Variants in ARMC5 observed in about 807,000 individuals in gnomAD.
The protein encoded by ARMC5 is armadillo repeat-containing protein 5.
Under a neutral mutation model 60.5 loss-of-function variants are expected in ARMC5, and 28 were observed. The observed-to-expected ratio is 0.46, with a 90% CI of 0.34 to 0.63. The LOEUF is 0.63. Among genes scored for constraint, ARMC5 ranks in the 30% least tolerant of loss-of-function variants. ARMC5 has a pLI of 0.01. For missense variants in ARMC5, 1,189 were observed against 1,304.9 expected, an observed-to-expected ratio of 0.91 and a Z score of 1.37; for synonymous variants, 680 against 607.3, an observed-to-expected ratio of 1.12 and a Z score of -1.76.
rs1474864604 is a variant in ARMC5 at position 31,466,553 on chromosome 16, C to T, written c.2472C>T (p.Gly824=). The change falls in exon 6 of 6, where the codon GGC becomes GGT. Residue 824 remains glycine (G), a synonymous_variant. Transcript: ENST00000268314. The surrounding 1 kb of genome is among the most constrained non-coding windows in gnomAD (Gnocchi z 8.0). The stretch of plus-strand genomic sequence containing the variant: ...CCCTGGGGCCCGTGCCCCCACCAGG[C>T]CAGCCCCTGCTGGGTTCAGAGGCCG... ...GAALGPVPPP[G]QPLLGSEAEE... is the part of the protein sequence containing the mutation. 1 of 1,608,512 alleles carries T rather than the reference C, an allele frequency of 6.2e-7. No individual in the cohort carries two copies. The highest frequency in any genetic ancestry group is 8.5e-7 in the Non-Finnish European group (1 of 1,179,304).
In ARMC5 at chr16:31,459,920, G is replaced by A. The variant is rs757191392; in HGVS notation, c.396G>A (p.Ala132=). The change falls in exon 1 of 6, where the codon GCG becomes GCA. Residue 132 remains alanine, a synonymous_variant. Transcript: ENST00000268314. The part of the protein sequence containing the change: ...PVRLRKTLDL[A]LSILADCCTE... ...GCCTGCGCAAGACGCTGGACTTGGC[G>A]CTCAGCATCCTAGCCGATTGCTGTA... The A allele has an allele frequency of 6.9e-6, 11 of 1,605,820 alleles. No homozygotes were observed. Among genetic ancestry groups the A allele is most frequent in the Non-Finnish European group, 5.9e-6 (7 of 1,179,764 alleles).
chr16:31,466,299 C>A lies in ARMC5; in HGVS notation c.2218C>A (p.Leu740Met), dbSNP rs2082358437. 1 of 1,613,910 alleles carries A rather than the reference C, an allele frequency of 6.2e-7. No individual in the cohort carries two copies. Among genetic ancestry groups the A allele is most frequent in the East Asian group, 2.2e-5 (1 of 44,878 alleles). The change falls in exon 6 of 6, where the codon CTG becomes ATG. Residue 740 changes from leucine to methionine, a missense_variant. This residue lies in a region of ARMC5 where 862 missense variants were observed against 1,071.2 expected (regional missense o/e 0.80). Coordinates refer to ENST00000268314, the MANE Select transcript of ARMC5 (RefSeq NM_001105247.2). This position sits in a 1 kb window ranked among gnomAD's most constrained non-coding sequence, Gnocchi z 8.0. The stretch of plus-strand genomic sequence containing the variant: ...TTCCCCTTGCCTCTATGAACCTCTG[C>A]TGGGCCCAGCCCCTGTCCCAGCTCC... ...SPSPCLYEPL[L>M]GPAPVPAPDL...
At position 31,464,292 on chromosome 16, in the gene ARMC5, TAAAAAAAAA is replaced by T. The variant is rs537788230; in HGVS notation, c.1371-86_1371-78del. The T allele has an allele frequency of 7.2e-4, 360 of 499,396 alleles. 3 individuals are homozygous for T. The African/African-American group carries it at 7.2e-3, about 10-fold the overall frequency. 30.9% of individuals were successfully genotyped at this position (499,396 alleles called of 1,614,324 possible). A position where few individuals can be genotyped will look rare whatever the true frequency, so the allele number is the denominator to read the frequency against. ...GCTATAGAGGGATACCACATTTCTT[TAAAAAAAAA>T]AAAAAAAAAAAAAAAGACGCCTCAC... On this transcript the variant is annotated intron_variant, in intron 3 of 5. Coordinates refer to ENST00000268314, the MANE Select transcript of ARMC5 (RefSeq NM_001105247.2). The surrounding 1 kb of genome is among the most constrained non-coding windows in gnomAD (Gnocchi z 7.6).
At position 31,464,992 on chromosome 16, in the gene ARMC5, C is replaced by T. The variant is rs938778138; in HGVS notation, c.1864+105C>T. 4.5e-5 allele frequency: 73 copies of T among 1,611,032 alleles called. No individual in the cohort carries two copies. Among genetic ancestry groups the T allele is most frequent in the Non-Finnish European group, 6.0e-5 (71 of 1,178,024 alleles). On this transcript the variant is annotated intron_variant, in intron 4 of 5. Coordinates refer to ENST00000268314, the MANE Select transcript of ARMC5 (RefSeq NM_001105247.2). This position sits in a 1 kb window ranked among gnomAD's most constrained non-coding sequence, Gnocchi z 7.6. Reference sequence around the variant, plus strand: ...TCACCTTCCCACTCACCTGTCCTCCCCAGCCCGTCCTCCAGACAACCTGTC... The same window carrying T: ...TCACCTTCCCACTCACCTGTCCTCCTCAGCCCGTCCTCCAGACAACCTGTC...
rs1341456755 is a variant in ARMC5, at chr16:31,464,193, G to A, written c.1371-201G>A. ...TAGTGCCAGCTACTTGGGAGGCTGA[G>A]GTGGGAGGATCACTTGAGCTCAGGA... On this transcript the variant is annotated intron_variant, in intron 3 of 5. Transcript: ENST00000268314. The surrounding 1 kb of genome is among the most constrained non-coding windows in gnomAD (Gnocchi z 7.6). 6.6e-6 allele frequency among the ~76,000 whole-genome samples: 1 copy of A among 151,862 alleles called. No homozygotes were observed. Among genetic ancestry groups the A allele is most frequent in the African/African-American group, 2.4e-5 (1 of 41,328 alleles).
At chr16:31,459,352 C>T (rs139912838), upstream of ARMC5, 1,675 of 1,535,978 alleles carry the variant, frequency 1.1e-3, 19 homozygotes, top group African/African-American at 0.021. Context: ...TACTGCCGCG[C>T]CTCGTGTGCA....
rs2142580488 is a variant in ARMC5, at chr16:31,466,512, CG to C, written c.2436del (p.Cys813ValfsTer104). 1 of 1,609,676 alleles carries C rather than the reference CG, an allele frequency of 6.2e-7. No individual in the cohort carries two copies. ...TGTCCTGCATCATTTGCATGGTTGT[CG>C]GGGGTGTGGGGCTGCCCTGGGGCCC... is the stretch of plus-strand genomic sequence containing the variant. ...WPVLHHLHGC[R>X]GCGAALGPVP... On this transcript the variant is annotated frameshift_variant, in exon 6 of 6. Transcript: ENST00000268314. LOFTEE classifies it high-confidence loss of function. This position sits in a 1 kb window ranked among gnomAD's most constrained non-coding sequence, Gnocchi z 8.0.
upstream of ARMC5, chr16:31,458,949 C>A (rs573349325): frequency 1.2e-5 from 18 of 1,535,658 alleles, no homozygotes; most frequent in South Asian, 1.9e-4. Flanking sequence ...AAGCCCGTCA[C>A]TCTAGGAAGC....
Position 31,465,988 on chromosome 16 carries a change from T to C in ARMC5, c.1997+6T>C, listed in dbSNP as rs746806389. The C allele has an allele frequency of 5.1e-5, 81 of 1,600,594 alleles. No homozygotes were observed. The highest frequency in any genetic ancestry group is 6.1e-5 in the Non-Finnish European group (72 of 1,178,078). On this transcript the variant is annotated splice_donor_region_variant and intron_variant, in intron 5 of 5. Coordinates refer to ENST00000268314, the MANE Select transcript of ARMC5 (RefSeq NM_001105247.2). Reference sequence around the variant, plus strand: ...ACCCTGCCCTTCATCTGCCGGTGAGTGGGAAGTGGGTGCCTTGCGGGGTTG... The same window carrying C: ...ACCCTGCCCTTCATCTGCCGGTGAGCGGGAAGTGGGTGCCTTGCGGGGTTG...
chr16:31,464,720 C>G lies in ARMC5; in HGVS notation c.1697C>G (p.Ala566Gly). The G allele has an allele frequency of 6.3e-7, 1 of 1,599,180 alleles. No individual in the cohort carries two copies. The highest frequency in any genetic ancestry group is 1.1e-5 in the South Asian group (1 of 91,026). Residue 566 changes from alanine (A) to glycine (G), a missense_variant, in exon 4 of 6, where the codon GCA (alanine) becomes GGA (glycine). Ala to Gly is a moderately conservative substitution (Grantham distance 60, BLOSUM62 0). Coordinates refer to ENST00000268314, the MANE Select transcript of ARMC5 (RefSeq NM_001105247.2). The surrounding 1 kb of genome is among the most constrained non-coding windows in gnomAD (Gnocchi z 7.6). ...GCACCGGGCCCGCCCAGCCCACGTGCACTGCGCATTCTGTCACGCCTCACC... is the reference window on the plus strand; with the variant it reads ...GCACCGGGCCCGCCCAGCCCACGTGGACTGCGCATTCTGTCACGCCTCACC... ...TGAPGPPSPR[A>G]LRILSRLTCN...
chr16:31,462,389 G>A lies in ARMC5; in HGVS notation c.842G>A (p.Gly281Glu). Residue 281 changes from glycine to glutamate, a missense_variant, in exon 3 of 6, where the codon GGG becomes GAG. By Grantham distance (98) the Gly-to-Glu change is moderately conservative (BLOSUM62 -2). This residue lies in a region of ARMC5 where 862 missense variants were observed against 1,071.2 expected (regional missense o/e 0.80). Coordinates refer to ENST00000268314, the MANE Select transcript of ARMC5 (RefSeq NM_001105247.2). The surrounding 1 kb of genome is among the most constrained non-coding windows in gnomAD (Gnocchi z 7.2). ...RACAEQLSLG[G>E]GLGPLVSLAS... ...TGTGCTGAGCAGCTAAGTCTGGGTG[G>A]GGGATTGGGCCCACTCGTCAGCCTG... 1 of 1,609,584 alleles carries A rather than the reference G, an allele frequency of 6.2e-7. No homozygotes were observed. Among genetic ancestry groups the A allele is most frequent in the Non-Finnish European group, 8.5e-7 (1 of 1,177,254 alleles).
Position 31,459,793 on chromosome 16 carries a change from G to A in ARMC5, c.269G>A (p.Gly90Asp), listed in dbSNP as rs747130429. The change falls in exon 1 of 6, where the codon GGC becomes GAC. Residue 90 changes from glycine (G) to aspartate (D), a missense_variant. Physicochemically the swap from Gly to Asp is moderately conservative, Grantham distance 94 (BLOSUM62 -1). Around this residue, in one of 2 missense-constraint regions of ARMC5, gnomAD observed 327 missense variants for 233.7 expected, o/e 1.40. Transcript: ENST00000268314. ...AGSAPSQAGPGSAPSSAASGA... is the reference protein window; with the variant it reads ...AGSAPSQAGPDSAPSSAASGA... ...TCCGCCCCGTCCCAGGCAGGCCCCG[G>A]CTCCGCCCCCTCGTCGGCCGCGTCG... 6.5e-7 allele frequency: 1 copy of A among 1,539,510 alleles called. No individual in the cohort carries two copies. The highest frequency in any genetic ancestry group is 8.7e-7 in the Non-Finnish European group (1 of 1,149,174).
chr16:31,461,539 G>T (rs1232687360), intron 1 of ARMC5, among the ~76,000 whole-genome samples: 2 of 152,120 alleles, frequency 1.3e-5, no homozygotes, highest in Non-Finnish European at 2.9e-5. Context: ...ATGGAGTCTT[G>T]CTCTGTCATC....
chr16:31,458,972 T>C (rs1000323146), upstream of ARMC5: 1 of 1,535,576 alleles, frequency 6.5e-7, no homozygotes, highest in Non-Finnish European at 8.7e-7. Flanking sequence ...CAGCGAACGT[T>C]CTCGGTAGGT....
chr16:31,462,839 G>A lies in ARMC5; in HGVS notation c.1292G>A (p.Gly431Glu), dbSNP rs1241988874. The change falls in exon 3 of 6, where the codon GGA becomes GAA. Residue 431 changes from glycine (G) to glutamate (E), a missense_variant. Physicochemically the swap from Gly to Glu is moderately conservative, Grantham distance 98 (BLOSUM62 -2). This residue lies in a region of ARMC5 where 862 missense variants were observed against 1,071.2 expected (regional missense o/e 0.80). Coordinates refer to ENST00000268314, the MANE Select transcript of ARMC5 (RefSeq NM_001105247.2). This position sits in a 1 kb window ranked among gnomAD's most constrained non-coding sequence, Gnocchi z 7.2. ...CGEAGEEEEE[G>E]REAASWDFPE... ...GAGGCTGGTGAGGAGGAAGAAGAGG[G>A]AAGAGAAGCTGCTTCCTGGGACTTT... 6.2e-7 allele frequency: 1 copy of A among 1,614,050 alleles called. No homozygotes were observed. Among genetic ancestry groups the A allele is most frequent in the South Asian group, 1.1e-5 (1 of 91,080 alleles).
Position 31,464,622 on chromosome 16 carries a change from C to A in ARMC5, c.1599C>A (p.Ser533=). The change falls in exon 4 of 6, where the codon TCC becomes TCA. Residue 533 remains serine (S), a synonymous_variant. Coordinates refer to ENST00000268314, the MANE Select transcript of ARMC5 (RefSeq NM_001105247.2). This position sits in a 1 kb window ranked among gnomAD's most constrained non-coding sequence, Gnocchi z 7.6. ...GPALLLLSRF[S]QAPDPSGALV... ...CCCTGCTGCTGCTGTCGCGCTTTTC[C>A]CAGGCCCCTGACCCAAGTGGGGCAC... 1 of 1,597,060 alleles carries A rather than the reference C, an allele frequency of 6.3e-7. No individual in the cohort carries two copies. The highest frequency in any genetic ancestry group is 8.5e-7 in the Non-Finnish European group (1 of 1,177,900).
intron 1 of ARMC5, among the ~76,000 whole-genome samples, chr16:31,461,055 T>G (rs2082299820): frequency 6.6e-6 from 1 of 152,222 alleles, no homozygotes; most frequent in African/African-American, 2.4e-5. Flanking sequence ...CCCCCATCAT[T>G]CAGCTACTAT....
At chr16:31,461,861 G>A in intron 1 of ARMC5, 61 bp from the exon 2 acceptor site, 5 of 1,488,676 alleles carry the variant, frequency 3.4e-6, no homozygotes, top group Non-Finnish European at 4.7e-6. Flanking sequence ...ACATTCTCCA[G>A]GTTATTGATG....
upstream of ARMC5, chr16:31,459,340 G>A (rs761201073): frequency 1.7e-5 from 26 of 1,535,368 alleles, no homozygotes; most frequent in South Asian, 2.4e-5. Flanking sequence ...CTGCGATTAA[G>A]GTACTGCCGC....
Sources: gnomAD v4.1 joint callset for allele counts (sites outside exome capture counted in the v4.1 genomes callset) on GRCh38, gnomAD v4.1.1 for gene constraint, gnomAD v4.1.1 regional missense constraint, Gnocchi (gnomAD v3.1) non-coding constraint, MANE v1.5 for transcripts, NCBI Gene and HGNC (gene_info 2026-07-23, HGNC 2026-07-21) for gene names.